Variants in TTC16 observed in about 807,000 individuals in gnomAD.
TTC16 encodes tetratricopeptide repeat protein 16.
A neutral mutation model predicts 80.4 loss-of-function variants in TTC16; 66 were observed. The ratio of observed to expected loss-of-function variants is 0.82; its 90% CI spans 0.67 to 1.01. TTC16 has a LOEUF of 1.01. TTC16 is among the 50% of genes least tolerant of loss of function. The pLI is 0.00. For synonymous variants in TTC16, 438 were observed against 451.3 expected (o/e 0.97, Z 0.37); for missense variants, 1,070 against 1,103.2 (o/e 0.97, Z 0.43).
In TTC16 at chr9:127,720,337, A is replaced by G. The variant is rs959765779; in HGVS notation, c.599A>G (p.Asp200Gly). Residue 200 changes from aspartate (D) to glycine (G), a missense_variant, in exon 6 of 14, where the codon GAC becomes GGC. Coordinates refer to ENST00000373289, the MANE Select transcript of TTC16 (RefSeq NM_144965.3). ...LTLITNELKQ[D>G]TTNADVYIFR... ...CTCATCACCAACGAGCTGAAGCAGG[A>G]CACCACCAACGCCGATGTCTACATC... The G allele has an allele frequency of 2.1e-5, 34 of 1,613,432 alleles. No individual in the cohort carries two copies. The highest frequency in any genetic ancestry group is 2.8e-5 in the Non-Finnish European group (33 of 1,179,972).
In TTC16 at chr9:127,731,163, C is replaced by A. The variant is rs570284071; in HGVS notation, c.2380C>A (p.Arg794=). ...RPSKVDATQG[R]SRGLLRSSTK... ...CAGCAAGGTTGATGCCACCCAGGGC[C>A]GAAGCAGGGGACTGCTCCGAAGTTC... The change falls in exon 14 of 14, where the codon CGA becomes AGA. Residue 794 remains arginine, a synonymous_variant. Coordinates refer to ENST00000373289, the MANE Select transcript of TTC16 (RefSeq NM_144965.3). 1 of 1,612,420 alleles carries A rather than the reference C, an allele frequency of 6.2e-7. No individual in the cohort carries two copies. The highest frequency in any genetic ancestry group is 8.5e-7 in the Non-Finnish European group (1 of 1,179,718).
At chr9:127,728,102 A>G (rs768049694) in intron 12 of TTC16, 1 of 152,260 alleles carries the variant, frequency 6.6e-6, no homozygotes, top group Non-Finnish European at 1.5e-5. Context: ...AAAGTGCACA[A>G]ATCATAAGTA....
chr9:127,726,378 C>T lies in TTC16; in HGVS notation c.1399C>T (p.Leu467=). The T allele has an allele frequency of 6.2e-7, 1 of 1,609,232 alleles. No individual in the cohort carries two copies. Among genetic ancestry groups the T allele is most frequent in the Non-Finnish European group, 8.5e-7 (1 of 1,177,574 alleles). Reference sequence around the variant, plus strand: ...GGCCCGCCAGGATGTGGCCACTGTCCTGCTCCTCAACCCCAAGCAACCAAA... The same window carrying T: ...GGCCCGCCAGGATGTGGCCACTGTCTTGCTCCTCAACCCCAAGCAACCAAA... The part of the protein sequence containing the change: ...FGARQDVATV[L]LLNPKQPKLS... The change falls in exon 10 of 14, where the codon CTG becomes TTG. Residue 467 remains leucine, a synonymous_variant. Transcript: ENST00000373289.
At chr9:127,724,022 GC>G in intron 7 of TTC16, 97 bp from the exon 8 acceptor site, 1 of 1,438,498 alleles carries the variant, frequency 7.0e-7, no homozygotes, top group Non-Finnish European at 9.2e-7. Flanking sequence ...GGGTCAGGAG[GC>G]CCAGAGCCGG....
Position 127,727,281 on chromosome 9 carries a change from G to A in TTC16, c.1580G>A (p.Arg527Gln), listed in dbSNP as rs150618592. The A allele has an allele frequency of 6.9e-5, 108 of 1,564,240 alleles. 1 individual carries two copies. Among genetic ancestry groups the A allele is most frequent in the African/African-American group, 1.6e-4 (12 of 73,144 alleles). ...SPQGIVGMLK[R>Q]HELERQKALA... ...GTATCGTTTGGCAGGATGCTTAAAC[G>A]GCACGAGTTGGAGCGCCAGAAGGCC... The change falls in exon 12 of 14, where the codon CGG becomes CAG. Residue 527 changes from arginine (R) to glutamine (Q), a missense_variant. Transcript: ENST00000373289.
At chr9:127,724,393 G>T (rs770875993) in intron 8 of TTC16, 29 bp downstream of exon 8, 2 of 1,606,182 alleles carry the variant, frequency 1.2e-6, no homozygotes, top group Non-Finnish European at 1.7e-6. Context: ...ACTGGGGAGG[G>T]GGGGTGCGGG....
chr9:127,717,056 C>G lies in TTC16; in HGVS notation c.191+40C>G, dbSNP rs1176261988. ...TGCTTTGGGGTCCCAGGTTCCTGCC[C>G]GACACAGCCATTCACATGCTGTGCA... On this transcript the variant is annotated intron_variant, in intron 2 of 13. Coordinates refer to ENST00000373289, the MANE Select transcript of TTC16 (RefSeq NM_144965.3). The G allele has an allele frequency of 3.2e-5, 51 of 1,603,262 alleles. No homozygotes were observed. In the East Asian group the frequency reaches 1.1e-3, roughly 33 times the overall value.
intron 4 of TTC16, among the ~76,000 whole-genome samples, chr9:127,719,175 T>C (rs538223602): frequency 1.6e-3 from 239 of 151,370 alleles, no homozygotes; most frequent in African/African-American, 5.2e-3. Context: ...CGTGCCACTG[T>C]ACTCCAGCCT....
Position 127,727,009 on chromosome 9 carries a change from G to A in TTC16, c.1465G>A (p.Val489Met). The change falls in exon 11 of 14, where the codon GTG becomes ATG. Residue 489 changes from valine to methionine, a missense_variant. Physicochemically the swap from Val to Met is conservative, Grantham distance 21. Coordinates refer to ENST00000373289, the MANE Select transcript of TTC16 (RefSeq NM_144965.3). Reference sequence around the variant, plus strand: ...GACCAACCTCTTCCCGGGCATGTCGGTGGAGGAGGTGCTTAGCACCCAGAT... The same window carrying A: ...GACCAACCTCTTCCCGGGCATGTCGATGGAGGAGGTGCTTAGCACCCAGAT... The part of the protein sequence containing the change: ...LMTNLFPGMS[V>M]EEVLSTQIAH... The A allele has an allele frequency of 1.2e-6, 2 of 1,613,064 alleles. No individual in the cohort carries two copies. The highest frequency in any genetic ancestry group is 1.7e-6 in the Non-Finnish European group (2 of 1,180,014).
intron 9 of TTC16, 68 bp downstream of exon 9, chr9:127,724,965 GCTGGGATCC>G: frequency 7.0e-7 from 1 of 1,430,262 alleles, no homozygotes; most frequent in Non-Finnish European, 9.1e-7. Context: ...GAGGCCAACT[GCTGGGATCC>G]CTGGGTCAAT....
chr9:127,717,299 G>T (rs776780050), intron 2 of TTC16, 35 bp from the exon 3 acceptor site: 1 of 1,596,362 alleles, frequency 6.3e-7, no homozygotes, highest in Admixed American at 1.7e-5. Flanking sequence ...CCACAGTCAG[G>T]GCCACCCCTC....
Position 127,730,645 on chromosome 9 carries a change from C to A in TTC16, c.1862C>A (p.Thr621Lys), listed in dbSNP as rs776317475. The change falls in exon 14 of 14, where the codon ACA (threonine) becomes AAA (lysine). Residue 621 changes from threonine (T) to lysine (K), a missense_variant. By Grantham distance (78) the Thr-to-Lys change is moderately conservative (BLOSUM62 -1). Transcript: ENST00000373289. Reference protein sequence around the residue: ...SSASSMSFRTTGTSETEMSAI... With the variant: ...SSASSMSFRTKGTSETEMSAI... ...GGCACCCCCTTCCTAGTCAGGACCA[C>A]AGGCACCTCAGAGACTGAGATGTCG... The A allele has an allele frequency of 1.2e-6, 2 of 1,612,408 alleles. No individual in the cohort carries two copies. Among genetic ancestry groups the A allele is most frequent in the Non-Finnish European group, 1.7e-6 (2 of 1,179,872 alleles).
Position 127,717,001 on chromosome 9 carries a change from T to C in TTC16, c.176T>C (p.Leu59Pro). 6.2e-7 allele frequency: 1 copy of C among 1,613,334 alleles called. No homozygotes were observed. The highest frequency in any genetic ancestry group is 8.5e-7 in the Non-Finnish European group (1 of 1,179,360). ...AAGGTCACAGGGTTAACAGTGCCCC[T>C]CAAAGTCAGGGAATAGTGAGTGACT... is the stretch of plus-strand genomic sequence containing the variant. ...KPKVTGLTVP[L>P]KVREYYSRGQ... Residue 59 changes from leucine to proline, a missense_variant, in exon 2 of 14, where the codon CTC becomes CCC. Physicochemically the swap from Leu to Pro is moderately conservative, Grantham distance 98. Coordinates refer to ENST00000373289, the MANE Select transcript of TTC16 (RefSeq NM_144965.3).
At chr9:127,730,423 A>G (rs1410073938) in intron 13 of TTC16, 4 of 639,618 alleles carry the variant, frequency 6.3e-6, no homozygotes, top group Non-Finnish European at 1.1e-5. Flanking sequence ...GACTGGGAGA[A>G]GGGGGCTCCT....
In TTC16 at chr9:127,720,066, C is replaced by T. The variant is rs1843327867; in HGVS notation, c.427-12C>T. Reference sequence around the variant, plus strand: ...GGTGGCAAGCAGAATTGACTGTCCCCTGTGTCCCCAGGGACAATGCCTTTT... The same window carrying T: ...GGTGGCAAGCAGAATTGACTGTCCCTTGTGTCCCCAGGGACAATGCCTTTT... On this transcript the variant is annotated splice_polypyrimidine_tract_variant and intron_variant, in intron 4 of 13. Transcript: ENST00000373289. 4 of 1,612,902 alleles carry T rather than the reference C, an allele frequency of 2.5e-6. No homozygotes were observed. The highest frequency in any genetic ancestry group is 3.4e-6 in the Non-Finnish European group (4 of 1,179,214).
At chr9:127,721,255 CG>C (rs1843487641) in intron 6 of TTC16, among the ~76,000 whole-genome samples, 1 of 151,476 alleles carries the variant, frequency 6.6e-6, no homozygotes, top group South Asian at 2.1e-4. Flanking sequence ...TGTGGGTCAG[CG>C]GGGAGGGCTG....
intron 12 of TTC16, 97 bp from the exon 13 acceptor site, chr9:127,729,484 G>A: frequency 1.0e-6 from 1 of 991,858 alleles, no homozygotes; most frequent in Non-Finnish European, 1.6e-6. Flanking sequence ...AAGCTCAGGA[G>A]AATGACCACC....
In TTC16 at chr9:127,727,254, G is replaced by A. The variant is rs746966579; in HGVS notation, c.1569-16G>A. ...GCCAGGGAGACTGACAATACCTGGG[G>A]GGTATCGTTTGGCAGGATGCTTAAA... On this transcript the variant is annotated splice_polypyrimidine_tract_variant and intron_variant, in intron 11 of 13. Coordinates refer to ENST00000373289, the MANE Select transcript of TTC16 (RefSeq NM_144965.3). 4 of 1,546,084 alleles carry A rather than the reference G, an allele frequency of 2.6e-6. No individual in the cohort carries two copies. The highest frequency in any genetic ancestry group is 2.6e-6 in the Non-Finnish European group (3 of 1,143,876).
chr9:127,725,044 C>A, intron 9 of TTC16, 147 bp downstream of exon 9: 2 of 955,960 alleles, frequency 2.1e-6, no homozygotes, highest in Non-Finnish European at 2.9e-6. Context: ...GCAGGTGGAT[C>A]GCCTGAGGTC....
Sources: gnomAD v4.1 joint callset for allele counts (sites outside exome capture counted in the v4.1 genomes callset) on GRCh38, gnomAD v4.1.1 for gene constraint, MANE v1.5 for transcripts, NCBI Gene and HGNC (gene_info 2026-07-23, HGNC 2026-07-21) for gene names.